Variants in IL23R observed in about 807,000 individuals in gnomAD.
IL23R encodes interleukin 23 receptor.
A neutral mutation model predicts 56.9 loss-of-function variants in IL23R; 34 were observed. The ratio of observed to expected loss-of-function variants is 0.60; its 90% CI spans 0.45 to 0.80. The LOEUF (loss-of-function observed/expected upper bound fraction) is 0.80, where lower values mean the gene tolerates loss of function less well. IL23R is among the 30% of genes least tolerant of loss of function. IL23R has a pLI of 0.00. For synonymous variants in IL23R, 230 were observed against 249.2 expected, an observed-to-expected ratio of 0.92 and a Z score of 0.73; for missense variants, 635 against 730.0, an observed-to-expected ratio of 0.87 and a Z score of 1.50.
chr1:67,154,676 A>G (rs1393180903), intron 1 of IL23R, among the ~76,000 whole-genome samples: 1 of 151,976 alleles, frequency 6.6e-6, no homozygotes, highest in African/African-American at 2.4e-5. Context: ...TTTTGAGCCA[A>G]TGTGTCTTTG....
chr1:67,241,043 T>C (rs938157697), intron 9 of IL23R, among the ~76,000 whole-genome samples: 2 of 152,236 alleles, frequency 1.3e-5, no homozygotes, highest in Admixed American at 6.5e-5. Context: ...CTTGTCTGCC[T>C]ATTAGGCTAG....
intron 8 of IL23R, among the ~76,000 whole-genome samples, chr1:67,237,383 C>T (rs2100316286): frequency 6.6e-6 from 1 of 152,302 alleles, no homozygotes; most frequent in South Asian, 2.1e-4. Flanking sequence ...GACCCAAAAA[C>T]TTCTTTCAAA....
chr1:67,153,139 C>T (rs1003029581), intron 1 of IL23R, among the ~76,000 whole-genome samples: 7 of 152,126 alleles, frequency 4.6e-5, no homozygotes, highest in Non-Finnish European at 7.3e-5. Context: ...TCTTGTTGGT[C>T]TATCCAGGGA....
At chr1:67,232,754 A>T (rs796793357) in intron 7 of IL23R, among the ~76,000 whole-genome samples, 2 of 152,126 alleles carry the variant, frequency 1.3e-5, no homozygotes, top group Non-Finnish European at 2.9e-5. Context: ...CCCATGGTTG[A>T]TGATATGGTT....
intron 4 of IL23R, among the ~76,000 whole-genome samples, chr1:67,185,216 T>A (rs1647259010): frequency 6.6e-6 from 1 of 152,300 alleles, no homozygotes; most frequent in South Asian, 2.1e-4. Context: ...TGAGGTCAGG[T>A]AATGAATGTA....
intron 7 of IL23R, among the ~76,000 whole-genome samples, chr1:67,233,460 G>A (rs1346499052): frequency 6.6e-6 from 1 of 152,092 alleles, no homozygotes; most frequent in Non-Finnish European, 1.5e-5. Flanking sequence ...TGATGATTTG[G>A]CATCATCCTT....
At chr1:67,196,456 C>G (rs1648163156) in intron 4 of IL23R, among the ~76,000 whole-genome samples, 1 of 152,182 alleles carries the variant, frequency 6.6e-6, no homozygotes, top group Non-Finnish European at 1.5e-5. Context: ...GGGAGGATCA[C>G]TTGAGCCCAG....
At chr1:67,238,914 G>A (rs1404326839) in intron 8 of IL23R, among the ~76,000 whole-genome samples, 1 of 152,174 alleles carries the variant, frequency 6.6e-6, no homozygotes, top group Non-Finnish European at 1.5e-5. Flanking sequence ...ATTGGCTTTA[G>A]AAGAGGGCTG....
chr1:67,194,786 T>A (rs771846206), intron 4 of IL23R, among the ~76,000 whole-genome samples: 5 of 152,226 alleles, frequency 3.3e-5, no homozygotes, highest in Non-Finnish European at 5.9e-5. Context: ...TAGTTGCCAT[T>A]TTCTTGTTTT....
rs1653095922 is a variant in IL23R at position 67,258,889 on chromosome 1, C to T, written c.1651C>T (p.Leu551Phe). The change falls in exon 11 of 11, where the codon CTC becomes TTC. Residue 551 changes from leucine to phenylalanine, a missense_variant. Physicochemically the swap from Leu to Phe is conservative, Grantham distance 22. Coordinates refer to ENST00000347310, the MANE Select transcript of IL23R (RefSeq NM_144701.3). ...SNTIFLGELSLILNQGECSSP... is the reference protein window; with the variant it reads ...SNTIFLGELSFILNQGECSSP... ...CACAATATTTCTTGGAGAATTAAGC[C>T]TCATATTAAATCAAGGAGAATGCAG... The T allele has an allele frequency of 6.2e-7, 1 of 1,613,888 alleles. No homozygotes were observed. Among genetic ancestry groups the T allele is most frequent in the African/African-American group, 1.3e-5 (1 of 74,886 alleles).
At chr1:67,197,047 G>A (rs555303191) in intron 4 of IL23R, among the ~76,000 whole-genome samples, 1 of 152,340 alleles carries the variant, frequency 6.6e-6, no homozygotes, top group East Asian at 1.9e-4. Context: ...TGAGAAGGGA[G>A]TGAGCCCAGA....
At chr1:67,236,271 C>T (rs1318618265) in intron 7 of IL23R, among the ~76,000 whole-genome samples, 2 of 152,238 alleles carry the variant, frequency 1.3e-5, no homozygotes, top group Non-Finnish European at 2.9e-5. Context: ...AGAAGGTGAA[C>T]AGCATCCCAA....
chr1:67,163,617 T>C (rs1024666782), upstream of IL23R, among the ~76,000 whole-genome samples: 2 of 152,122 alleles, frequency 1.3e-5, no homozygotes, highest in African/African-American at 4.8e-5. Flanking sequence ...TGCCATCCTC[T>C]TGATGATGAG....
chr1:67,231,340 A>C (rs1302503632), intron 7 of IL23R, among the ~76,000 whole-genome samples: 1 of 152,262 alleles, frequency 6.6e-6, no homozygotes, highest in East Asian at 1.9e-4. Context: ...AATAGTAAGA[A>C]TTTGGAACCA....
At chr1:67,257,426 C>T (rs1653009547) in intron 10 of IL23R, among the ~76,000 whole-genome samples, 1 of 152,080 alleles carries the variant, frequency 6.6e-6, no homozygotes, top group Non-Finnish European at 1.5e-5. Flanking sequence ...AGGCTCCGCC[C>T]TCATGACCTA....
chr1:67,186,440 A>G (rs2102594053), intron 4 of IL23R, among the ~76,000 whole-genome samples: 1 of 151,804 alleles, frequency 6.6e-6, no homozygotes, highest in Non-Finnish European at 1.5e-5. Flanking sequence ...AATATTGAAC[A>G]TTTTCATCAT....
At chr1:67,198,219 T>G (rs1054020723) in intron 4 of IL23R, among the ~76,000 whole-genome samples, 2 of 152,064 alleles carry the variant, frequency 1.3e-5, no homozygotes, top group Admixed American at 6.5e-5. Context: ...CAACATGAGA[T>G]TTGGAGAGGA....
chr1:67,220,012 A>G (rs1288581592), intron 7 of IL23R, among the ~76,000 whole-genome samples: 1 of 152,162 alleles, frequency 6.6e-6, no homozygotes, highest in Non-Finnish European at 1.5e-5. Context: ...TTGATGCTGC[A>G]GTGAGCTATG....
In IL23R at chr1:67,200,748, A is replaced by G. The variant is rs745884986; in HGVS notation, c.503A>G (p.Glu168Gly). ...TTTTTTGTTTTAAGTTTAGAGACAG[A>G]AGAAGAGCAACAGTATCTCACCTCA... Reference protein sequence around the residue: ...YVVHVKSLETEEEQQYLTSSY... With the variant: ...YVVHVKSLETGEEQQYLTSSY... Residue 168 changes from glutamate to glycine, a missense_variant, in exon 5 of 11, where the codon GAA (glutamate) becomes GGA (glycine). By Grantham distance (98) the Glu-to-Gly change is moderately conservative. Transcript: ENST00000347310. 27 of 1,613,768 alleles carry G rather than the reference A, an allele frequency of 1.7e-5. No individual in the cohort carries two copies. Among genetic ancestry groups the G allele is most frequent in the Non-Finnish European group, 2.2e-5 (26 of 1,179,742 alleles).
Sources: gnomAD v4.1 joint callset for allele counts (sites outside exome capture counted in the v4.1 genomes callset) on GRCh38, gnomAD v4.1.1 for gene constraint, MANE v1.5 for transcripts, NCBI Gene and HGNC (gene_info 2026-07-23, HGNC 2026-07-21) for gene names.